PRCP: variants seen among roughly 807,000 people sequenced by gnomAD.
PRCP encodes the protein prolylcarboxypeptidase, also known as lysosomal Pro-X carboxypeptidase.
A neutral mutation model predicts 54.2 loss-of-function variants in PRCP; 46 were observed. That is an observed-to-expected ratio of 0.85 (90% CI 0.67 to 1.09). The LOEUF is 1.09. Ranked by LOEUF, PRCP falls within the 50% of genes least tolerant of loss-of-function variation. The pLI is 0.00. For missense variants in PRCP, 613 were observed against 596.8 expected (o/e 1.03, Z -0.28); for synonymous variants, 240 against 212.2 (o/e 1.13, Z -1.14).
chr11:82,859,069 T>A (rs761771949), intron 2 of PRCP, among the ~76,000 whole-genome samples: 1 of 152,236 alleles, frequency 6.6e-6, no homozygotes, highest in Non-Finnish European at 1.5e-5. Flanking sequence ...TTAGGGATAA[T>A]ACATAATTCA....
intron 8 of PRCP, 106 bp downstream of exon 8, chr11:82,838,281 G>A: frequency 1.9e-6 from 2 of 1,063,426 alleles, no homozygotes; most frequent in Non-Finnish European, 2.7e-6. Flanking sequence ...TAGCACTGTT[G>A]TATTCTATGT....
At chr11:82,856,774 C>T (rs7124624) in intron 2 of PRCP, among the ~76,000 whole-genome samples, 12,991 of 151,914 alleles carry the variant, frequency 0.086, 1,113 homozygotes, top group African/African-American at 0.22. Context: ...ATGGGCCAGG[C>T]GCAGTCGCTC....
At position 82,887,265 on chromosome 11, in the gene PRCP, A is replaced by G. The variant is rs74342607; in HGVS notation, c.168+12970T>C. On this transcript the variant is annotated intron_variant, in intron 1 of 8. Transcript: ENST00000313010. ...CTCATACTTCCTTAAAGCATACATC[A>G]CACCTTTAATTACTTGTGACTATCT... is the stretch of plus-strand genomic sequence containing the variant. Among the ~76,000 whole-genome samples, 181 of 152,296 alleles carry G rather than the reference A, an allele frequency of 1.2e-3. 3 individuals are homozygous for G. The East Asian group carries it at 0.032, about 27-fold the overall frequency.
intron 8 of PRCP, chr11:82,826,942 A>G (rs1858250514): frequency 6.6e-6 from 1 of 152,176 alleles, no homozygotes; most frequent in Non-Finnish European, 1.5e-5. Context: ...ATGGAAACAG[A>G]TTCCTTAGGC....
chr11:82,855,314 G>C (rs187003198), intron 2 of PRCP, among the ~76,000 whole-genome samples: 77 of 152,242 alleles, frequency 5.1e-4, no homozygotes, highest in African/African-American at 1.9e-3. Flanking sequence ...GAATCTATAA[G>C]GAACTTAAAT....
intron 8 of PRCP, chr11:82,828,845 A>G (rs1858306704): frequency 6.6e-6 from 1 of 152,184 alleles, no homozygotes. Flanking sequence ...CCAAATGCCA[A>G]CCAGCTCCTC....
intron 1 of PRCP, among the ~76,000 whole-genome samples, chr11:82,863,809 T>C (rs1859266529): frequency 6.6e-6 from 1 of 152,182 alleles, no homozygotes; most frequent in African/African-American, 2.4e-5. Flanking sequence ...TGTGTGGCCA[T>C]GCCCAAGGTA....
intron 1 of PRCP, among the ~76,000 whole-genome samples, chr11:82,874,880 A>T (rs749508563): frequency 5.9e-5 from 9 of 151,772 alleles, no homozygotes; most frequent in Admixed American, 1.3e-4. Context: ...ATTCAACGCC[A>T]CTCCCTTCAT....
chr11:82,895,877 C>T (rs59367683), intron 1 of PRCP, among the ~76,000 whole-genome samples: 2,724 of 152,208 alleles, frequency 0.018, 98 homozygotes, highest in African/African-American at 0.062. Context: ...AAAGGATGTA[C>T]ATAAATTTAA....
intron 1 of PRCP, among the ~76,000 whole-genome samples, chr11:82,885,175 A>G (rs1274934624): frequency 6.6e-6 from 1 of 152,244 alleles, no homozygotes; most frequent in Non-Finnish European, 1.5e-5. Flanking sequence ...GTGGCCTGGT[A>G]TATGACATGT....
chr11:82,871,811 C>A (rs1039110517), intron 1 of PRCP, among the ~76,000 whole-genome samples: 1 of 152,226 alleles, frequency 6.6e-6, no homozygotes, highest in Non-Finnish European at 1.5e-5. Flanking sequence ...TAACCCTGCT[C>A]ACACTGGATT....
chr11:82,839,604 A>G (rs1433870819), intron 6 of PRCP, 179 bp from the exon 7 acceptor site: 3 of 657,972 alleles, frequency 4.6e-6, no homozygotes, highest in Non-Finnish European at 7.6e-6. Flanking sequence ...AAACCTCTTC[A>G]ATTACTCCTT....
intron 1 of PRCP, among the ~76,000 whole-genome samples, chr11:82,888,632 T>C (rs142543834): frequency 1.3e-5 from 2 of 152,268 alleles, no homozygotes; most frequent in East Asian, 1.9e-4. Context: ...TCTGTAGATA[T>C]GTTGGGAGAA....
intron 8 of PRCP, chr11:82,830,145 G>C (rs1231396352): frequency 6.6e-6 from 1 of 151,922 alleles, no homozygotes. Flanking sequence ...TAATATATGT[G>C]AAAATAAATA....
rs530399356 is a variant in PRCP at position 82,862,792 on chromosome 11, C to A, written c.169-2675G>T. On this transcript the variant is annotated intron_variant, in intron 1 of 8. Transcript: ENST00000313010. ...AATAATGATGTCCATGTGCTATAAA[C>A]CCTTCCATTATACATGTTAATTTAC... Among the ~76,000 whole-genome samples the A allele has an allele frequency of 2.0e-4, 30 of 152,278 alleles. No individual in the cohort carries two copies. In the South Asian group the frequency reaches 6.0e-3, roughly 31 times the overall value.
chr11:82,883,136 G>A (rs1014045353), intron 1 of PRCP, among the ~76,000 whole-genome samples: 2 of 152,202 alleles, frequency 1.3e-5, no homozygotes, highest in Non-Finnish European at 2.9e-5. Context: ...CACTCAGGCT[G>A]CTCACAGTCT....
chr11:82,887,519 C>CT (rs1859890647), intron 1 of PRCP, among the ~76,000 whole-genome samples: 2 of 152,282 alleles, frequency 1.3e-5, no homozygotes, highest in African/African-American at 4.8e-5. Context: ...AGTATTGATA[C>CT]TATGTCAACT....
At chr11:82,843,013 A>T (rs1278691128) in intron 6 of PRCP, among the ~76,000 whole-genome samples, 2 of 152,224 alleles carry the variant, frequency 1.3e-5, no homozygotes, top group Non-Finnish European at 2.9e-5. Flanking sequence ...TTATTTAAAG[A>T]CTAGAGTAAC....
At chr11:82,838,082 C>A (rs1484373871) in intron 8 of PRCP, among the ~76,000 whole-genome samples, 3 of 152,070 alleles carry the variant, frequency 2.0e-5, no homozygotes, top group Non-Finnish European at 1.5e-5. Context: ...TCAACAACAA[C>A]ATAACAATAA....
Sources: allele counts gnomAD v4.1 joint callset (sites outside exome capture counted in the v4.1 genomes callset), GRCh38; gene constraint gnomAD v4.1.1; transcripts MANE v1.5; gene names NCBI Gene and HGNC (gene_info 2026-07-23, HGNC 2026-07-21).